Variants in LGSN observed in about 807,000 individuals in gnomAD.
The protein encoded by LGSN is lengsin.
LGSN carries 21 observed loss-of-function variants against 19.5 expected under a neutral mutation model. The ratio of observed to expected loss-of-function variants is 1.07; its 90% confidence interval spans 0.76 to 1.55. The LOEUF (loss-of-function observed/expected upper bound fraction) is 1.55, where lower values mean the gene tolerates loss of function less well. Among genes scored for constraint, LGSN ranks in the 40% most tolerant of loss-of-function variants. The pLI is 0.00. For synonymous variants in LGSN, 257 were observed against 215.6 expected (o/e 1.19, Z -1.68); for missense variants, 673 against 608.5 (o/e 1.11, Z -1.12).
At chr6:63,502,329 G>C in the LGSN span, among the ~76,000 whole-genome samples, 1 of 152,298 alleles carries the variant, frequency 6.6e-6, no homozygotes, top group African/African-American at 2.4e-5. Flanking sequence ...AATCCATTCA[G>C]TCTTTTCCTT....
At chr6:63,389,356 T>C in the LGSN span, among the ~76,000 whole-genome samples, 3 of 152,246 alleles carry the variant, frequency 2.0e-5, no homozygotes, top group Non-Finnish European at 2.9e-5. Flanking sequence ...TGATTCATTT[T>C]GTATCTTCTT....
the LGSN span, among the ~76,000 whole-genome samples, chr6:63,563,979 C>T: frequency 6.6e-6 from 1 of 152,142 alleles, no homozygotes; most frequent in East Asian, 1.9e-4. Context: ...TAAAGAAATA[C>T]ATTATAGGAC....
chr6:63,463,370 T>G, the LGSN span, among the ~76,000 whole-genome samples: 1 of 152,198 alleles, frequency 6.6e-6, no homozygotes, highest in Non-Finnish European at 1.5e-5. Flanking sequence ...GAGGCTCCAG[T>G]AAGGTGTGCC....
At chr6:63,437,736 C>T in the LGSN span, among the ~76,000 whole-genome samples, 7 of 151,958 alleles carry the variant, frequency 4.6e-5, no homozygotes, top group African/African-American at 7.3e-5. Context: ...TCGAGACCAG[C>T]CTAGCCAACA....
At chr6:63,461,649 G>A in the LGSN span, among the ~76,000 whole-genome samples, 1 of 152,210 alleles carries the variant, frequency 6.6e-6, no homozygotes, top group South Asian at 2.1e-4. Flanking sequence ...AAAAACAAAG[G>A]CATCAAGAAA....
the LGSN span, among the ~76,000 whole-genome samples, chr6:63,470,933 CTTTTTTTT>C: frequency 1.4e-5 from 1 of 73,066 alleles, no homozygotes; most frequent in Non-Finnish European, 2.6e-5. Flanking sequence ...TTCAGTCTTT[CTTTTTTTT>C]TTTTTTTTTT....
the LGSN span, among the ~76,000 whole-genome samples, chr6:63,457,707 G>A: frequency 5.9e-5 from 9 of 151,968 alleles, no homozygotes; most frequent in South Asian, 2.1e-4. Flanking sequence ...GTGAAAGCCC[G>A]TCTCTCCTAA....
chr6:63,335,836 G>A, the LGSN span, among the ~76,000 whole-genome samples: 2 of 152,226 alleles, frequency 1.3e-5, no homozygotes, highest in African/African-American at 4.8e-5. Context: ...TCAAAAGGAA[G>A]ATAATTCAAG....
At chr6:63,419,814 G>A in the LGSN span, among the ~76,000 whole-genome samples, 4 of 134,652 alleles carry the variant, frequency 3.0e-5, no homozygotes, top group South Asian at 2.4e-4. Flanking sequence ...CTTGAAACAG[G>A]GGGGCAGAGG....
chr6:63,495,467 T>TG, the LGSN span, among the ~76,000 whole-genome samples: 3 of 115,330 alleles, frequency 2.6e-5, no homozygotes, highest in South Asian at 2.8e-4. Flanking sequence ...TTTTTTTTTT[T>TG]TTTTTTTTTG....
the LGSN span, among the ~76,000 whole-genome samples, chr6:63,477,426 C>CA: frequency 6.6e-6 from 1 of 151,920 alleles, no homozygotes; most frequent in African/African-American, 2.4e-5. Flanking sequence ...TTATATTTCC[C>CA]AAAATGATGA....
At chr6:63,552,286 A>G in the LGSN span, among the ~76,000 whole-genome samples, 1 of 152,206 alleles carries the variant, frequency 6.6e-6, no homozygotes, top group Non-Finnish European at 1.5e-5. Context: ...ATGGCCAGTG[A>G]TGGTGAGCAT....
chr6:63,389,421 A>T, the LGSN span, among the ~76,000 whole-genome samples: 1 of 152,224 alleles, frequency 6.6e-6, no homozygotes, highest in Admixed American at 6.5e-5. Context: ...TCAGTCTAGA[A>T]CATGTCAGTC....
the LGSN span, among the ~76,000 whole-genome samples, chr6:63,452,993 A>G: frequency 6.6e-6 from 1 of 151,964 alleles, no homozygotes; most frequent in East Asian, 1.9e-4. Flanking sequence ...TTTTGTTTTC[A>G]TTTGGTTTCA....
At chr6:63,453,626 C>A in the LGSN span, among the ~76,000 whole-genome samples, 1 of 151,372 alleles carries the variant, frequency 6.6e-6, no homozygotes, top group South Asian at 2.1e-4. Context: ...GTTTTCTGTT[C>A]TTTTACTTTG....
the LGSN span, among the ~76,000 whole-genome samples, chr6:63,353,824 A>C: frequency 2.0e-5 from 3 of 152,056 alleles, no homozygotes; most frequent in African/African-American, 7.2e-5. Context: ...CAGAATAGAG[A>C]ACCTGGAAAT....
the LGSN span, among the ~76,000 whole-genome samples, chr6:63,432,960 GCTCTTTACC>G: frequency 0.046 from 7,001 of 152,148 alleles, 250 homozygotes; most frequent in Non-Finnish European, 0.07. Flanking sequence ...AAAAATCTAT[GCTCTTTACC>G]CTTCTATTCC....
the LGSN span, among the ~76,000 whole-genome samples, chr6:63,552,829 A>G: frequency 6.6e-6 from 1 of 152,164 alleles, no homozygotes; most frequent in Non-Finnish European, 1.5e-5. Context: ...AGGTTTGTCA[A>G]AGATCAGATG....
chr6:63,389,234 T>C, the LGSN span, among the ~76,000 whole-genome samples: 46 of 152,266 alleles, frequency 3.0e-4, no homozygotes, highest in Non-Finnish European at 4.6e-4. Flanking sequence ...TCTATTAATA[T>C]AAGAACAAAT....
Sources: gnomAD v4.1 joint callset for allele counts (sites outside exome capture counted in the v4.1 genomes callset) on GRCh38, gnomAD v4.1.1 for gene constraint, MANE v1.5 for transcripts, NCBI Gene and HGNC (gene_info 2026-07-23, HGNC 2026-07-21) for gene names.